Variants in TM9SF3 observed in about 807,000 individuals in gnomAD.
TM9SF3 encodes the protein SM-11044-binding protein.
TM9SF3 carries 14 observed loss-of-function variants against 78.6 expected under a neutral mutation model. That is an observed-to-expected ratio of 0.18 (90% confidence interval 0.12 to 0.28). The LOEUF (loss-of-function observed/expected upper bound fraction) is 0.28, where lower values mean the gene tolerates loss of function less well. Ranked by LOEUF, TM9SF3 falls within the 10% of genes least tolerant of loss-of-function variation. The pLI is 1.00. For synonymous variants in TM9SF3, 231 were observed against 241.7 expected, an observed-to-expected ratio of 0.96 and a Z score of 0.41; for missense variants, 496 against 721.9, an observed-to-expected ratio of 0.69 and a Z score of 3.59.
At chr10:96,546,515 T>C (rs1217007108) in intron 8 of TM9SF3, among the ~76,000 whole-genome samples, 1 of 152,218 alleles carries the variant, frequency 6.6e-6, no homozygotes, top group African/African-American at 2.4e-5. Context: ...TTTAGCCTAA[T>C]TAATTTCCAG....
chr10:96,586,004 T>A (rs1008072460), intron 1 of TM9SF3, among the ~76,000 whole-genome samples: 1 of 152,184 alleles, frequency 6.6e-6, no homozygotes, highest in Admixed American at 6.5e-5. Context: ...GGCCCTGACC[T>A]GAAGACTGGG....
intron 6 of TM9SF3, among the ~76,000 whole-genome samples, chr10:96,552,120 T>C (rs1042131778): frequency 6.6e-6 from 1 of 152,136 alleles, no homozygotes; most frequent in Non-Finnish European, 1.5e-5. Context: ...CTCTGATACT[T>C]CACAATATAC....
chr10:96,529,427 T>A (rs773470069), intron 11 of TM9SF3, among the ~76,000 whole-genome samples: 37 of 152,084 alleles, frequency 2.4e-4, no homozygotes, highest in Non-Finnish European at 4.4e-5. Context: ...ATAAGGTGAG[T>A]CCCTTTTAAA....
At position 96,523,453 on chromosome 10, in the gene TM9SF3, A is replaced by T. The variant is rs1847803807; in HGVS notation, c.1703-1123T>A. Among the ~76,000 whole-genome samples, 3 of 151,904 alleles carry T rather than the reference A, an allele frequency of 2.0e-5. No individual in the cohort carries two copies. The South Asian group carries it at 6.2e-4, about 31-fold the overall frequency. On this transcript the variant is annotated intron_variant, in intron 14 of 14. Coordinates refer to ENST00000371142, the MANE Select transcript of TM9SF3 (RefSeq NM_020123.4). ...GGCTACCAACTGGTTGATGAAAGGA[A>T]GGTTATCCTTATGGAAGTATTCCAG...
chr10:96,527,962 G>A, intron 12 of TM9SF3, 69 bp downstream of exon 12: 1 of 1,497,156 alleles, frequency 6.7e-7, no homozygotes, highest in Non-Finnish European at 9.1e-7. Context: ...CCACTTGATA[G>A]ATTTCAAAGG....
chr10:96,537,231 C>T (rs773370622), intron 9 of TM9SF3, among the ~76,000 whole-genome samples: 5 of 152,128 alleles, frequency 3.3e-5, no homozygotes, highest in Non-Finnish European at 5.9e-5. Flanking sequence ...ACGTATCTGA[C>T]GTTGGTCCCA....
intron 8 of TM9SF3, among the ~76,000 whole-genome samples, chr10:96,546,650 C>A (rs1361059140): frequency 6.6e-6 from 1 of 152,098 alleles, no homozygotes; most frequent in Non-Finnish European, 1.5e-5. Context: ...CTAAAATAGT[C>A]AGGAACCCAT....
chr10:96,569,393 G>C (rs185968178), intron 2 of TM9SF3, among the ~76,000 whole-genome samples: 262 of 152,240 alleles, frequency 1.7e-3, no homozygotes, highest in South Asian at 2.9e-3. Context: ...GCCTACCATC[G>C]TGCTGGAATG....
At chr10:96,578,106 AC>A (rs1338131969) in intron 1 of TM9SF3, among the ~76,000 whole-genome samples, 2 of 152,086 alleles carry the variant, frequency 1.3e-5, no homozygotes, top group African/African-American at 4.8e-5. Context: ...CTTACCAAAA[AC>A]ATCTGCCTTT....
intron 5 of TM9SF3, among the ~76,000 whole-genome samples, chr10:96,554,255 C>T (rs931437132): frequency 6.6e-6 from 1 of 152,114 alleles, no homozygotes; most frequent in Non-Finnish European, 1.5e-5. Context: ...GAAGTGTTTG[C>T]TTCATCTTTT....
Position 96,586,870 on chromosome 10 carries a change from G to T in TM9SF3, c.-35C>A. On this transcript the variant is annotated 5_prime_UTR_variant, in exon 1 of 15. Transcript: ENST00000371142. ...CCCTCCGGCCCGGAGCCGGCTCACC[G>T]ACTCCTCCTCCCGCCGCCGCCTCCT... 1.7e-6 allele frequency: 2 copies of T among 1,184,972 alleles called. No individual in the cohort carries two copies. Among genetic ancestry groups the T allele is most frequent in the Non-Finnish European group, 2.1e-6 (2 of 961,762 alleles). 73.4% of individuals were successfully genotyped at this position (1,184,972 alleles called of 1,614,324 possible). A position where few individuals can be genotyped will look rare whatever the true frequency, so the allele number is the denominator to read the frequency against.
chr10:96,575,904 G>A (rs187388780), intron 2 of TM9SF3, among the ~76,000 whole-genome samples: 12 of 152,216 alleles, frequency 7.9e-5, no homozygotes, highest in Admixed American at 6.5e-4. Flanking sequence ...ACTTCACAGA[G>A]AAAAATGAAA....
intron 9 of TM9SF3, among the ~76,000 whole-genome samples, chr10:96,535,017 A>G (rs564402981): frequency 6.6e-6 from 1 of 152,342 alleles, no homozygotes; most frequent in South Asian, 2.1e-4. Context: ...TAAAAATTGT[A>G]TAAGCAAAAG....
rs891214157 is a variant in TM9SF3, at chr10:96,569,348, A to C, written c.299-3922T>G. Among the ~76,000 whole-genome samples the C allele has an allele frequency of 3.9e-5, 6 of 152,222 alleles. No individual in the cohort carries two copies. The East Asian group carries it at 1.2e-3, about 29-fold the overall frequency. On this transcript the variant is annotated intron_variant, in intron 2 of 14. Coordinates refer to ENST00000371142, the MANE Select transcript of TM9SF3 (RefSeq NM_020123.4). The stretch of plus-strand genomic sequence containing the variant: ...TTTCAGAGGGCCTGAAGACCCCAGA[A>C]GCCAGAGCTCTTGGTTGAACTATGC...
intron 2 of TM9SF3, among the ~76,000 whole-genome samples, chr10:96,566,970 T>C (rs573996004): frequency 9.8e-5 from 15 of 152,352 alleles, no homozygotes; most frequent in African/African-American, 2.9e-4. Context: ...TGCAAAGCCA[T>C]TGAATTCCTT....
Position 96,578,395 on chromosome 10 carries a change from A to C in TM9SF3, c.103-1566T>G, listed in dbSNP as rs1848521931. On this transcript the variant is annotated intron_variant, in intron 1 of 14. Coordinates refer to ENST00000371142, the MANE Select transcript of TM9SF3 (RefSeq NM_020123.4). Reference sequence around the variant, plus strand: ...AAAGAAAAAATAAGTATTATAATTAAGGTAATAAAGGGCTATTGTAGCAAC... The same window carrying C: ...AAAGAAAAAATAAGTATTATAATTACGGTAATAAAGGGCTATTGTAGCAAC... Among the ~76,000 whole-genome samples the C allele has an allele frequency of 2.6e-5, 4 of 152,242 alleles. No homozygotes were observed. The South Asian group carries it at 8.3e-4, about 31-fold the overall frequency.
At chr10:96,584,674 G>A (rs991981925) in intron 1 of TM9SF3, among the ~76,000 whole-genome samples, 1 of 152,168 alleles carries the variant, frequency 6.6e-6, no homozygotes, top group Non-Finnish European at 1.5e-5. Flanking sequence ...AATTAGCTAA[G>A]TGTGGTGGCG....
At chr10:96,537,662 A>C (rs1173986759) in intron 9 of TM9SF3, among the ~76,000 whole-genome samples, 1 of 152,198 alleles carries the variant, frequency 6.6e-6, no homozygotes, top group East Asian at 1.9e-4. Context: ...GTGAAAGCCT[A>C]TCTCTATAAA....
At chr10:96,556,751 C>T (rs1314229961) in intron 5 of TM9SF3, among the ~76,000 whole-genome samples, 1 of 152,128 alleles carries the variant, frequency 6.6e-6, no homozygotes, top group African/African-American at 2.4e-5. Context: ...CCTCACAAGT[C>T]CATAATTGCC....
Sources: gnomAD v4.1 joint callset for allele counts (sites outside exome capture counted in the v4.1 genomes callset) on GRCh38, gnomAD v4.1.1 for gene constraint, MANE v1.5 for transcripts, NCBI Gene and HGNC (gene_info 2026-07-23, HGNC 2026-07-21) for gene names.